Variants in THRB observed in about 807,000 individuals in gnomAD.
The protein encoded by THRB is nuclear receptor subfamily 1 group A member 2.
Under a neutral mutation model 47.8 loss-of-function variants are expected in THRB, and 12 were observed. The observed-to-expected ratio is 0.25, with a 90% CI of 0.16 to 0.41. THRB has a LOEUF of 0.41. Among genes scored for constraint, THRB ranks in the 10% least tolerant of loss-of-function variants. The pLI is 1.00. For synonymous variants in THRB, 218 were observed against 212.2 expected (o/e 1.03, Z -0.24); for missense variants, 348 against 589.2 (o/e 0.59, Z 4.24).
chr3:24,358,055 T>C (rs2063809757), intron 1 of THRB, among the ~76,000 whole-genome samples: 1 of 152,178 alleles, frequency 6.6e-6, no homozygotes, highest in Non-Finnish European at 1.5e-5. Context: ...ACTATATCCT[T>C]AGCCCAGAGA....
chr3:24,459,899 G>A (rs2073543700), intron 1 of THRB, among the ~76,000 whole-genome samples: 1 of 152,062 alleles, frequency 6.6e-6, no homozygotes, highest in African/African-American at 2.4e-5. Context: ...ATTTGAAAAT[G>A]TATTTGTTTG....
chr3:24,461,827 AAATCTGGTG>A (rs1216226710), intron 1 of THRB, among the ~76,000 whole-genome samples: 1 of 152,244 alleles, frequency 6.6e-6, no homozygotes, highest in Non-Finnish European at 1.5e-5. Flanking sequence ...TTAGCGTTAA[AAATCTGGTG>A]TCTTCCCAAA....
chr3:24,342,005 A>G (rs966141989), intron 1 of THRB, among the ~76,000 whole-genome samples: 4 of 152,280 alleles, frequency 2.6e-5, no homozygotes, highest in Non-Finnish European at 4.4e-5. Flanking sequence ...AGACTGGCAG[A>G]ATCACCCAGC....
chr3:24,149,395 T>C (rs1304514027), intron 6 of THRB, among the ~76,000 whole-genome samples: 3 of 152,178 alleles, frequency 2.0e-5, no homozygotes, highest in Admixed American at 2.0e-4. Flanking sequence ...CTGACTCATG[T>C]TCAGGGGTGG....
intron 10 of THRB, among the ~76,000 whole-genome samples, chr3:24,127,245 A>G (rs2033018583): frequency 6.6e-6 from 1 of 152,150 alleles, no homozygotes; most frequent in Non-Finnish European, 1.5e-5. Context: ...TATCCACCAA[A>G]GGCGGATCAC....
At chr3:24,256,453 G>A (rs1036204125) in intron 3 of THRB, among the ~76,000 whole-genome samples, 7 of 152,112 alleles carry the variant, frequency 4.6e-5, no homozygotes, top group East Asian at 1.9e-4. Flanking sequence ...TCGTTGCAGG[G>A]AATAAATGGT....
intron 4 of THRB, among the ~76,000 whole-genome samples, chr3:24,224,583 T>G (rs1049991191): frequency 6.6e-6 from 1 of 152,038 alleles, no homozygotes; most frequent in Non-Finnish European, 1.5e-5. Flanking sequence ...CACCTGAAGG[T>G]CCACCTTTGA....
chr3:24,242,087 G>A (rs1291166180), intron 3 of THRB, among the ~76,000 whole-genome samples: 1 of 152,158 alleles, frequency 6.6e-6, no homozygotes, highest in African/African-American at 2.4e-5. Context: ...CTCCCTTGGC[G>A]TGCCACCTCT....
intron 3 of THRB, among the ~76,000 whole-genome samples, chr3:24,294,916 C>A (rs1559856814): frequency 6.6e-6 from 1 of 152,202 alleles, no homozygotes; most frequent in African/African-American, 2.4e-5. Context: ...TCAGCACAAT[C>A]ATCCAAGGTG....
chr3:24,258,784 TC>T (rs1260723193), intron 3 of THRB, among the ~76,000 whole-genome samples: 1 of 152,118 alleles, frequency 6.6e-6, no homozygotes, highest in Non-Finnish European at 1.5e-5. Flanking sequence ...CAACAGGAAG[TC>T]ATTGATACAT....
chr3:24,236,184 T>A (rs550552416), intron 3 of THRB, among the ~76,000 whole-genome samples: 9 of 152,264 alleles, frequency 5.9e-5, no homozygotes, highest in African/African-American at 2.2e-4. Context: ...CCTTTGACTC[T>A]GGTATTTGGG....
chr3:24,226,543 C>A (rs908293829), intron 4 of THRB, among the ~76,000 whole-genome samples: 1 of 152,170 alleles, frequency 6.6e-6, no homozygotes, highest in Non-Finnish European at 1.5e-5. Context: ...CCCTCCTTCA[C>A]TAGGAGGCAG....
Position 24,320,657 on chromosome 3 carries a change from G to A in THRB, c.-189+16643C>T, listed in dbSNP as rs142571714. Among the ~76,000 whole-genome samples, 777 of 152,172 alleles carry A rather than the reference G, an allele frequency of 5.1e-3. 4 individuals are homozygous for A. Among genetic ancestry groups the A allele is most frequent in the African/African-American group, 0.018 (729 of 41,498 alleles). On this transcript the variant is annotated intron_variant, in intron 2 of 10. Transcript: ENST00000646209. The stretch of plus-strand genomic sequence containing the variant: ...TGGTGTTTCTAGTATTAAATATCAA[G>A]TGTAAATATCTAATGTTAAACATAA...
chr3:24,281,326 C>A (rs1329563028), intron 3 of THRB, among the ~76,000 whole-genome samples: 1 of 150,876 alleles, frequency 6.6e-6, no homozygotes, highest in Admixed American at 6.6e-5. Flanking sequence ...AATTTCATAT[C>A]CAGCCAAACT....
rs574671811 is a variant in THRB, at chr3:24,288,349, T to C, written c.-43+8877A>G. Among the ~76,000 whole-genome samples, 3 of 152,340 alleles carry C rather than the reference T, an allele frequency of 2.0e-5. No homozygotes were observed. The South Asian group carries it at 6.2e-4, about 32-fold the overall frequency. The stretch of plus-strand genomic sequence containing the variant: ...TTCCACCGTCTACATCTGAACTATT[T>C]ACACATTCCATACTACCTAGAAAAT... On this transcript the variant is annotated intron_variant, in intron 3 of 10. Transcript: ENST00000646209.
chr3:24,295,938 T>A (rs1576627868), intron 3 of THRB, among the ~76,000 whole-genome samples: 1 of 152,232 alleles, frequency 6.6e-6, no homozygotes, highest in East Asian at 1.9e-4. Context: ...CATTTAATTT[T>A]ATTTAATTTT....
At chr3:24,204,815 G>A (rs775244263) in intron 4 of THRB, among the ~76,000 whole-genome samples, 1 of 152,294 alleles carries the variant, frequency 6.6e-6, no homozygotes, top group East Asian at 1.9e-4. Flanking sequence ...TAAATGACCC[G>A]ATGGAGCGGA....
At chr3:24,435,847 T>A (rs928720515) in intron 1 of THRB, among the ~76,000 whole-genome samples, 1 of 152,196 alleles carries the variant, frequency 6.6e-6, no homozygotes, top group African/African-American at 2.4e-5. Flanking sequence ...CCTTCCAAAC[T>A]GTTTAGAAAG....
chr3:24,445,004 A>T (rs1279234242), intron 1 of THRB, among the ~76,000 whole-genome samples: 2 of 152,226 alleles, frequency 1.3e-5, no homozygotes, highest in African/African-American at 4.8e-5. Context: ...CCATGTCAGA[A>T]ACAGGCTATA....
Sources: gnomAD v4.1 joint callset for allele counts (sites outside exome capture counted in the v4.1 genomes callset) on GRCh38, gnomAD v4.1.1 for gene constraint, MANE v1.5 for transcripts, NCBI Gene and HGNC (gene_info 2026-07-23, HGNC 2026-07-21) for gene names.